Variants in MAP3K2 observed in about 807,000 individuals in gnomAD.
MAP3K2 encodes mitogen-activated protein kinase kinase kinase 2.
MAP3K2 carries 24 observed loss-of-function variants against 80.3 expected under a neutral mutation model. That is an observed-to-expected ratio of 0.30 (90% CI 0.22 to 0.42). The LOEUF (loss-of-function observed/expected upper bound fraction) is 0.42. Among genes scored for constraint, MAP3K2 ranks in the 10% least tolerant of loss-of-function variants. The pLI is 1.00. For missense variants in MAP3K2, 608 were observed against 750.1 expected (o/e 0.81, Z 2.21); for synonymous variants, 244 against 253.7 (o/e 0.96, Z 0.36).
rs908801888 is a variant in MAP3K2 at position 127,310,435 on chromosome 2, G to T, written c.1457-1673C>A. On this transcript the variant is annotated intron_variant, in intron 15 of 16. Coordinates refer to ENST00000682094, the MANE Select transcript of MAP3K2 (RefSeq NM_001371910.2). The surrounding 1 kb of genome is among the most constrained non-coding windows in gnomAD (Gnocchi z 4.8). ...AGGCAAAGGTGGGTGGATCGCTTGAGCTCAGGAATTCAAGGCCAGCCTAGG... is the reference window on the plus strand; with the variant it reads ...AGGCAAAGGTGGGTGGATCGCTTGATCTCAGGAATTCAAGGCCAGCCTAGG... Among the ~76,000 whole-genome samples the T allele has an allele frequency of 6.6e-6, 1 of 152,140 alleles. No homozygotes were observed. Among genetic ancestry groups the T allele is most frequent in the African/African-American group, 2.4e-5 (1 of 41,416 alleles).
Position 127,317,749 on chromosome 2 carries a change from T to C in MAP3K2, c.1206A>G (p.Ala402=). 2 of 1,601,636 alleles carry C rather than the reference T, an allele frequency of 1.2e-6. No homozygotes were observed. The highest frequency in any genetic ancestry group is 1.1e-5 in the South Asian group (1 of 88,838). ...TCAGCAACTGAATTTCACACTCAAG[T>C]GCATTTACTTCCTGAAAGAGAGAAT... is the stretch of plus-strand genomic sequence containing the variant. ...DSPETSKEVN[A]LECEIQLLKN... The change falls in exon 14 of 17, where the codon GCA becomes GCG. Residue 402 remains alanine, a synonymous_variant. Transcript: ENST00000682094.
chr2:127,367,728 C>T (rs755565234), intron 1 of MAP3K2, among the ~76,000 whole-genome samples: 2 of 151,874 alleles, frequency 1.3e-5, no homozygotes, highest in South Asian at 2.1e-4. Context: ...AGGAGGCGGA[C>T]GTTGTGGTGA....
At chr2:127,354,539 G>C (rs1416220737) in intron 1 of MAP3K2, among the ~76,000 whole-genome samples, 5 of 151,930 alleles carry the variant, frequency 3.3e-5, no homozygotes, top group Admixed American at 2.6e-4. Flanking sequence ...AGAAGGGTGT[G>C]GTCTCAAAAG....
intron 1 of MAP3K2, among the ~76,000 whole-genome samples, chr2:127,360,147 T>TG (rs1187123686): frequency 3.3e-5 from 5 of 152,180 alleles, no homozygotes; most frequent in African/African-American, 1.2e-4. Flanking sequence ...TTAAACAAAT[T>TG]GTGGTACAGC....
intron 15 of MAP3K2, among the ~76,000 whole-genome samples, chr2:127,313,468 T>C (rs1403663198): frequency 6.6e-6 from 1 of 152,138 alleles, no homozygotes; most frequent in Non-Finnish European, 1.5e-5. Context: ...TGCATTCTAC[T>C]CTATCACCAG....
Position 127,322,287 on chromosome 2 carries a change from T to G in MAP3K2, c.839-35A>C, listed in dbSNP as rs1686040010. 7.6e-7 allele frequency: 1 copy of G among 1,312,730 alleles called. No individual in the cohort carries two copies. The highest frequency in any genetic ancestry group is 1.9e-5 in the Admixed American group (1 of 53,120). The allele number at this position is 1,312,730 out of a possible 1,614,324, so 81.3% of individuals were successfully genotyped here. A position where few individuals can be genotyped will look rare whatever the true frequency, so the allele number is the denominator to read the frequency against. On this transcript the variant is annotated intron_variant, in intron 11 of 16. Coordinates refer to ENST00000682094, the MANE Select transcript of MAP3K2 (RefSeq NM_001371910.2). The surrounding 1 kb of genome is among the most constrained non-coding windows in gnomAD (Gnocchi z 4.2). ...GAAAAGAGAATGACCTTATACCTTT[T>G]ATTAATATGTTATACTTTTAAAGTA... is the stretch of plus-strand genomic sequence containing the variant.
chr2:127,310,599 T>C lies in MAP3K2; in HGVS notation c.1457-1837A>G, dbSNP rs4461212. 0.012 allele frequency among the ~76,000 whole-genome samples: 1,806 copies of C among 152,222 alleles called. 33 individuals carry two copies. The highest frequency in any genetic ancestry group is 0.041 in the African/African-American group (1,709 of 41,538). ...CCAGAGGGCCAAGGCTGCGGTGAAC[T>C]GAGATCATGCCACTGCACTCCCGCC... is the stretch of plus-strand genomic sequence containing the variant. On this transcript the variant is annotated intron_variant, in intron 15 of 16. Coordinates refer to ENST00000682094, the MANE Select transcript of MAP3K2 (RefSeq NM_001371910.2). This position sits in a 1 kb window ranked among gnomAD's most constrained non-coding sequence, Gnocchi z 4.8.
chr2:127,342,388 G>GGGGGGGTGTGTGTGTGT (rs143219830), intron 2 of MAP3K2, among the ~76,000 whole-genome samples: 1 of 147,744 alleles, frequency 6.8e-6, no homozygotes, highest in African/African-American at 2.5e-5. Context: ...TCTTCATGAG[G>GGGGGGGTGTGTGTGTGT]GTGTGTGTGT....
upstream of MAP3K2, chr2:127,388,290 T>C: frequency 3.0e-6 from 3 of 985,228 alleles, no homozygotes; most frequent in Non-Finnish European, 3.6e-6. Flanking sequence ...ATCCCAGACA[T>C]CCGAGTAGAT....
At chr2:127,368,568 G>C (rs1294130795) in intron 1 of MAP3K2, among the ~76,000 whole-genome samples, 2 of 152,056 alleles carry the variant, frequency 1.3e-5, no homozygotes, top group African/African-American at 4.8e-5. Flanking sequence ...GTTGCAGTGA[G>C]CCCAGATCGT....
intron 1 of MAP3K2, among the ~76,000 whole-genome samples, chr2:127,371,019 G>A (rs1436447971): frequency 6.6e-6 from 1 of 152,172 alleles, no homozygotes; most frequent in African/African-American, 2.4e-5. Context: ...GCCCAGTAAT[G>A]CAAGAACGAC....
At position 127,321,651 on chromosome 2, in the gene MAP3K2, C is replaced by T. The variant is rs536799778; in HGVS notation, c.1045+395G>A. Reference sequence around the variant, plus strand: ...TTAGATGATGTTATGGCCTCTTGCACATTATCTCCTCAGCTGGTGATTTCT... The same window carrying T: ...TTAGATGATGTTATGGCCTCTTGCATATTATCTCCTCAGCTGGTGATTTCT... On this transcript the variant is annotated intron_variant, in intron 12 of 16. Transcript: ENST00000682094. This position sits in a 1 kb window ranked among gnomAD's most constrained non-coding sequence, Gnocchi z 4.4. Among the ~76,000 whole-genome samples, 1 of 152,304 alleles carries T rather than the reference C, an allele frequency of 6.6e-6. No individual in the cohort carries two copies. The highest frequency in any genetic ancestry group is 1.5e-5 in the Non-Finnish European group (1 of 68,026).
intron 1 of MAP3K2, among the ~76,000 whole-genome samples, chr2:127,347,706 A>G (rs1313251791): frequency 6.6e-6 from 1 of 152,172 alleles, no homozygotes; most frequent in Non-Finnish European, 1.5e-5. Context: ...CAAAATTCCA[A>G]TGGCCTCTTT....
rs1470012755 is a variant in MAP3K2, at chr2:127,322,190, A to C, written c.901T>G (p.Phe301Val). Residue 301 changes from phenylalanine (F) to valine (V), a missense_variant, in exon 12 of 17, where the codon TTC (phenylalanine) becomes GTC (valine). Transcript: ENST00000682094. The surrounding 1 kb of genome is among the most constrained non-coding windows in gnomAD (Gnocchi z 4.2). Reference sequence around the variant, plus strand: ...CTTAAGGAATGATCAGTAGGACTGAAACTCACAGGAGACCGTAAGCTGGTC... The same window carrying C: ...CTTAAGGAATGATCAGTAGGACTGACACTCACAGGAGACCGTAAGCTGGTC... ...QGTSLRSPVSFSPTDHSLSTS... is the reference protein window; with the variant it reads ...QGTSLRSPVSVSPTDHSLSTS... 2 of 1,613,978 alleles carry C rather than the reference A, an allele frequency of 1.2e-6. No homozygotes were observed. Among genetic ancestry groups the C allele is most frequent in the South Asian group, 2.2e-5 (2 of 91,082 alleles).
Position 127,335,947 on chromosome 2 carries a change from C to T in MAP3K2, c.187G>A (p.Val63Ile), listed in dbSNP as rs1302459054. The change falls in exon 5 of 17, where the codon GTT (valine) becomes ATT (isoleucine). Residue 63 changes from valine to isoleucine, a missense_variant. Val to Ile is a conservative substitution (Grantham distance 29). Transcript: ENST00000682094. ...EKRILQFPRPVKLEDLRSKAK... is the reference protein window; with the variant it reads ...EKRILQFPRPIKLEDLRSKAK... The stretch of plus-strand genomic sequence containing the variant: ...TTAGATCTCAGATCTTCCAGTTTAA[C>T]TGGTCTGGGGAACTGAAGGATTCTA... The T allele has an allele frequency of 1.9e-6, 3 of 1,566,574 alleles. No homozygotes were observed. Among genetic ancestry groups the T allele is most frequent in the Non-Finnish European group, 2.6e-6 (3 of 1,152,062 alleles).
Position 127,322,444 on chromosome 2 carries a change from T to C in MAP3K2, c.839-192A>G, listed in dbSNP as rs1179241986. Among the ~76,000 whole-genome samples the C allele has an allele frequency of 2.6e-5, 4 of 152,272 alleles. No homozygotes were observed. The highest frequency in any genetic ancestry group is 2.1e-4 in the South Asian group (1 of 4,830). On this transcript the variant is annotated intron_variant, in intron 11 of 16. Transcript: ENST00000682094. The surrounding 1 kb of genome is among the most constrained non-coding windows in gnomAD (Gnocchi z 4.2). ...TCAAATAATCTCTTATGATAAAACA[T>C]GTATGAGTGTGCACACAGAAACATA...
In MAP3K2 at chr2:127,339,159, TATTAATGCAAAAATGCA is replaced by T; in HGVS notation, c.5-126_5-110del. The T allele has an allele frequency of 1.5e-6, 1 of 668,204 alleles. No homozygotes were observed. Among genetic ancestry groups the T allele is most frequent in the Non-Finnish European group, 2.5e-6 (1 of 392,556 alleles). 41.4% of individuals were successfully genotyped at this position (668,204 alleles called of 1,614,324 possible). A position where few individuals can be genotyped will look rare whatever the true frequency, so the allele number is the denominator to read the frequency against. On this transcript the variant is annotated intron_variant, in intron 2 of 16. Transcript: ENST00000682094. The surrounding 1 kb of genome is among the most constrained non-coding windows in gnomAD (Gnocchi z 4.2). ...AAAATAAAATTTGATGTAGAGAATG[TATTAATGCAAAAATGCA>T]TCTAGAACATTTTTAATGCCTACAC...
intron 1 of MAP3K2, among the ~76,000 whole-genome samples, chr2:127,385,354 C>T (rs1687325697): frequency 6.6e-6 from 1 of 152,194 alleles, no homozygotes; most frequent in Non-Finnish European, 1.5e-5. Flanking sequence ...TCCCTAAAGG[C>T]TCAAATTTCT....
chr2:127,308,476 C>T (rs531394702), intron 16 of MAP3K2, 109 bp downstream of exon 16: 135 of 970,846 alleles, frequency 1.4e-4, no homozygotes, highest in Admixed American at 2.4e-4. Flanking sequence ...TTCTTACGTC[C>T]TATTTTGGAA....
Sources: allele counts gnomAD v4.1 joint callset (sites outside exome capture counted in the v4.1 genomes callset), GRCh38; gene constraint gnomAD v4.1.1; non-coding constraint Gnocchi (gnomAD v3.1); transcripts MANE v1.5; gene names NCBI Gene and HGNC (gene_info 2026-07-23, HGNC 2026-07-21).